The following CTNND2 variants were observed in gnomAD, a reference collection of about 807,000 sequenced individuals.
CTNND2 encodes catenin delta-2.
Under a neutral mutation model 144.4 loss-of-function variants are expected in CTNND2, and 22 were observed. The ratio of observed to expected loss-of-function variants is 0.15; its 90% CI spans 0.11 to 0.22. CTNND2 has a LOEUF of 0.22. Among genes scored for constraint, CTNND2 ranks in the 10% least tolerant of loss-of-function variants. CTNND2 has a pLI of 1.00. For synonymous variants in CTNND2, 751 were observed against 695.6 expected (o/e 1.08, Z -1.25); for missense variants, 1,353 against 1,618.8 (o/e 0.84, Z 2.82).
intron 1 of CTNND2, among the ~76,000 whole-genome samples, chr5:11,852,911 C>T (rs1453190812): frequency 6.6e-6 from 1 of 152,170 alleles, no homozygotes; most frequent in Non-Finnish European, 1.5e-5. Context: ...CAAGTAATCA[C>T]TCTTTCTCTC....
At chr5:11,019,566 A>G (rs9312751) in intron 17 of CTNND2, among the ~76,000 whole-genome samples, 8,875 of 152,322 alleles carry the variant, frequency 0.058, 332 homozygotes, top group East Asian at 0.1. Flanking sequence ...ATGCCAATAC[A>G]TCACAGTGTT....
chr5:11,826,640 T>C (rs1337494137), intron 1 of CTNND2, among the ~76,000 whole-genome samples: 1 of 151,706 alleles, frequency 6.6e-6, no homozygotes, highest in African/African-American at 2.4e-5. Flanking sequence ...AAAATACAAA[T>C]TAAAAATAAA....
chr5:11,370,806 G>T (rs1245727760), intron 7 of CTNND2, among the ~76,000 whole-genome samples: 1 of 152,196 alleles, frequency 6.6e-6, no homozygotes, highest in Non-Finnish European at 1.5e-5. Context: ...AAAAAGAAGG[G>T]TCTAAATGAC....
intron 9 of CTNND2, among the ~76,000 whole-genome samples, chr5:11,325,187 A>G (rs1433616350): frequency 1.3e-5 from 2 of 152,142 alleles, no homozygotes; most frequent in East Asian, 1.9e-4. Context: ...GAGATTATGA[A>G]GCATTCAGTT....
intron 1 of CTNND2, among the ~76,000 whole-genome samples, chr5:11,817,393 A>G (rs1293231518): frequency 4.4e-4 from 12 of 27,154 alleles, no homozygotes; most frequent in Non-Finnish European, 5.3e-4. Flanking sequence ...GAGGGGGGAG[A>G]GAGAGAGAGA....
At chr5:11,422,222 TC>T (rs34773980) in intron 3 of CTNND2, among the ~76,000 whole-genome samples, 1 of 151,808 alleles carries the variant, frequency 6.6e-6, no homozygotes, top group Non-Finnish European at 1.5e-5. Context: ...TACCTTTTTT[TC>T]CCCCACGCTA....
chr5:11,446,531 G>C (rs1230842489), intron 3 of CTNND2, among the ~76,000 whole-genome samples: 2 of 152,166 alleles, frequency 1.3e-5, no homozygotes, highest in Non-Finnish European at 2.9e-5. Flanking sequence ...ATGTCTTCAA[G>C]AGTGTGGAGA....
intron 10 of CTNND2, among the ~76,000 whole-genome samples, chr5:11,206,957 T>C (rs2149839312): frequency 6.6e-6 from 1 of 152,316 alleles, no homozygotes; most frequent in African/African-American, 2.4e-5. Context: ...TACAATCTGT[T>C]CAAGCAGATA....
chr5:11,715,419 C>T (rs1251024133), intron 2 of CTNND2, among the ~76,000 whole-genome samples: 2 of 152,162 alleles, frequency 1.3e-5, no homozygotes, highest in Non-Finnish European at 1.5e-5. Flanking sequence ...TCCAGGTGGG[C>T]ACATTCTGAT....
intron 16 of CTNND2, among the ~76,000 whole-genome samples, chr5:11,041,212 T>C (rs1391783945): frequency 6.6e-6 from 1 of 152,222 alleles, no homozygotes; most frequent in African/African-American, 2.4e-5. Context: ...ATTAAGGATA[T>C]GGAGAGAGGG....
intron 7 of CTNND2, among the ~76,000 whole-genome samples, chr5:11,370,322 C>T (rs565654373): frequency 6.6e-6 from 1 of 152,124 alleles, no homozygotes; most frequent in African/African-American, 2.4e-5. Flanking sequence ...ATTAGGTCAG[C>T]CAAGTGGGAT....
chr5:11,694,463 A>G (rs1299013812), intron 2 of CTNND2, among the ~76,000 whole-genome samples: 1 of 152,052 alleles, frequency 6.6e-6, no homozygotes, highest in Non-Finnish European at 1.5e-5. Flanking sequence ...TGAAAAAAAC[A>G]AAACCAAACT....
intron 2 of CTNND2, among the ~76,000 whole-genome samples, chr5:11,606,756 T>C (rs1282922597): frequency 6.6e-6 from 1 of 152,144 alleles, no homozygotes; most frequent in Non-Finnish European, 1.5e-5. Flanking sequence ...GATACCTATA[T>C]GGACAGATAA....
At chr5:11,609,748 C>G (rs1780225831) in intron 2 of CTNND2, among the ~76,000 whole-genome samples, 1 of 152,130 alleles carries the variant, frequency 6.6e-6, no homozygotes, top group South Asian at 2.1e-4. Context: ...TTGGCAAAGC[C>G]TGGCTGGGAC....
At chr5:11,312,440 G>T (rs1751075695) in intron 9 of CTNND2, among the ~76,000 whole-genome samples, 1 of 152,020 alleles carries the variant, frequency 6.6e-6, no homozygotes, top group Admixed American at 6.6e-5. Context: ...CATGGCAGCG[G>T]CAAGAGAAAA....
intron 1 of CTNND2, among the ~76,000 whole-genome samples, chr5:11,765,164 T>A (rs887252387): frequency 2.6e-5 from 4 of 152,310 alleles, no homozygotes; most frequent in African/African-American, 9.6e-5. Context: ...CTTGCAGTTC[T>A]GTGGTTCTAG....
At chr5:11,750,290 C>CT (rs1395011677) in intron 1 of CTNND2, among the ~76,000 whole-genome samples, 1 of 151,872 alleles carries the variant, frequency 6.6e-6, no homozygotes, top group Non-Finnish European at 1.5e-5. Context: ...TCCTCATTCT[C>CT]TGTTTCTTCC....
At chr5:11,718,395 C>T (rs552913863) in intron 2 of CTNND2, among the ~76,000 whole-genome samples, 4 of 152,244 alleles carry the variant, frequency 2.6e-5, no homozygotes, top group African/African-American at 4.8e-5. Flanking sequence ...TCTGAGCTCC[C>T]GCTTCTGTAG....
intron 12 of CTNND2, among the ~76,000 whole-genome samples, chr5:11,150,353 G>C (rs986929055): frequency 6.6e-6 from 1 of 152,172 alleles, no homozygotes; most frequent in Non-Finnish European, 1.5e-5. Flanking sequence ...GGACAAAGTC[G>C]TTATCCTAGG....
Sources: allele counts gnomAD v4.1 joint callset (sites outside exome capture counted in the v4.1 genomes callset), GRCh38; gene constraint gnomAD v4.1.1; transcripts MANE v1.5; gene names NCBI Gene and HGNC (gene_info 2026-07-23, HGNC 2026-07-21).